PDHX: variants seen among roughly 807,000 people sequenced by gnomAD.
The protein encoded by PDHX is pyruvate dehydrogenase protein X component, mitochondrial.
A neutral mutation model predicts 55.3 loss-of-function variants in PDHX; 33 were observed. That is an observed-to-expected ratio of 0.60 (90% confidence interval 0.45 to 0.80). The LOEUF (loss-of-function observed/expected upper bound fraction) is 0.80, where lower values mean the gene tolerates loss of function less well. Among genes scored for constraint, PDHX ranks in the 30% least tolerant of loss-of-function variants. PDHX has a pLI of 0.00. For synonymous variants in PDHX, 226 were observed against 219.4 expected, an observed-to-expected ratio of 1.03 and a Z score of -0.27; for missense variants, 622 against 619.9, an observed-to-expected ratio of 1.00 and a Z score of -0.04.
At chr11:34,922,617 C>G (rs72930480) in intron 1 of PDHX, among the ~76,000 whole-genome samples, 27 of 151,956 alleles carry the variant, frequency 1.8e-4, no homozygotes, top group African/African-American at 6.5e-4. Flanking sequence ...AAAATGAAAT[C>G]AGACATAGTA....
At chr11:34,972,094 G>A (rs1855269234) in intron 7 of PDHX, among the ~76,000 whole-genome samples, 1 of 151,706 alleles carries the variant, frequency 6.6e-6, no homozygotes, top group Admixed American at 6.6e-5. Context: ...TTAGTAATTT[G>A]TGTGTTTTAC....
At chr11:34,934,939 A>G (rs1854273575) in intron 2 of PDHX, among the ~76,000 whole-genome samples, 1 of 152,078 alleles carries the variant, frequency 6.6e-6, no homozygotes, top group Non-Finnish European at 1.5e-5. Flanking sequence ...TATTAAAAAA[A>G]AAAAATCTCA....
At chr11:34,943,242 A>G (rs571303628) in intron 2 of PDHX, among the ~76,000 whole-genome samples, 34 of 152,352 alleles carry the variant, frequency 2.2e-4, no homozygotes, top group Non-Finnish European at 3.4e-4. Context: ...AACATTTTAT[A>G]TGCAATTTGT....
chr11:34,970,386 T>C, intron 7 of PDHX, 100 bp downstream of exon 7: 1 of 998,212 alleles, frequency 1.0e-6, no homozygotes, highest in Non-Finnish European at 1.5e-6. Context: ...TTGTGTAGCT[T>C]TTAATTTCAA....
intron 2 of PDHX, among the ~76,000 whole-genome samples, chr11:34,944,256 A>C (rs1854568979): frequency 6.6e-6 from 1 of 151,912 alleles, no homozygotes; most frequent in Non-Finnish European, 1.5e-5. Context: ...AGTAGCTGGG[A>C]CCACAGGTGC....
intron 5 of PDHX, among the ~76,000 whole-genome samples, chr11:34,965,921 A>G (rs1392033071): frequency 6.6e-6 from 1 of 152,200 alleles, no homozygotes; most frequent in Non-Finnish European, 1.5e-5. Flanking sequence ...TTTTAAGAAA[A>G]TATATTGCCT....
At chr11:34,949,537 A>G (rs1854705456) in intron 3 of PDHX, among the ~76,000 whole-genome samples, 1 of 151,850 alleles carries the variant, frequency 6.6e-6, no homozygotes, top group Non-Finnish European at 1.5e-5. Flanking sequence ...ATGCCCTGTC[A>G]AAACTAGTAA....
At chr11:34,958,300 G>C in intron 4 of PDHX, among the ~76,000 whole-genome samples, 1 of 151,892 alleles carries the variant, frequency 6.6e-6, no homozygotes, top group East Asian at 1.9e-4. Flanking sequence ...TTTTTTAGGG[G>C]GGGGCGTGCG....
At chr11:34,916,150 T>A (rs2016814), upstream of PDHX, 15 of 1,544,474 alleles carry the variant, frequency 9.7e-6, no homozygotes, top group Non-Finnish European at 1.2e-5. Flanking sequence ...CCCGCTACCC[T>A]GCGCCCAGCT....
intron 2 of PDHX, among the ~76,000 whole-genome samples, chr11:34,943,499 C>T (rs1276385001): frequency 3.3e-5 from 5 of 152,016 alleles, no homozygotes; most frequent in South Asian, 2.1e-4. Flanking sequence ...TAGTTTTTCC[C>T]GTGATTATAG....
chr11:34,960,352 C>A, intron 4 of PDHX, 68 bp from the exon 5 acceptor site: 1 of 1,026,474 alleles, frequency 9.7e-7, no homozygotes, highest in Non-Finnish European at 1.5e-6. Context: ...AAACTGTTGA[C>A]ATTTAGATCT....
chr11:34,963,025 G>A (rs2732556), intron 5 of PDHX, among the ~76,000 whole-genome samples: 122,146 of 152,016 alleles, frequency 0.8, 49,274 homozygotes, highest in African/African-American at 0.84. Context: ...AAAGGCATCA[G>A]CCTTTGGTCT....
In PDHX at chr11:34,916,686, C is replaced by G; in HGVS notation, c.31C>G (p.Pro11Ala). 2 of 1,611,830 alleles carry G rather than the reference C, an allele frequency of 1.2e-6. No individual in the cohort carries two copies. Among genetic ancestry groups the G allele is most frequent in the East Asian group, 4.5e-5 (2 of 44,870 alleles). MAASWRLGCD[P>A]RLLRYLVGFP... is the part of the protein sequence containing the mutation. ...GGCCTCCTGGAGGCTGGGCTGTGAT[C>G]CGCGGCTGCTGCGTTATCTTGTGGG... Residue 11 changes from proline to alanine, a missense_variant, in exon 1 of 11, where the codon CCG (proline) becomes GCG (alanine). By Grantham distance (27) the Pro-to-Ala change is conservative. Coordinates refer to ENST00000227868, the MANE Select transcript of PDHX (RefSeq NM_003477.3).
At chr11:34,943,695 A>T (rs542198476) in intron 2 of PDHX, among the ~76,000 whole-genome samples, 2 of 152,160 alleles carry the variant, frequency 1.3e-5, no homozygotes, top group African/African-American at 4.8e-5. Context: ...CTTCTCTCGC[A>T]TACTATTTGC....
chr11:34,921,063 T>G (rs770964501), intron 1 of PDHX, among the ~76,000 whole-genome samples: 75 of 152,204 alleles, frequency 4.9e-4, no homozygotes, highest in Non-Finnish European at 9.3e-4. Context: ...TATTAAGTGC[T>G]TATACACTGA....
intron 8 of PDHX, among the ~76,000 whole-genome samples, chr11:34,981,146 C>T (rs1274269545): frequency 6.6e-6 from 1 of 152,014 alleles, no homozygotes; most frequent in Admixed American, 6.5e-5. Flanking sequence ...CTGTCCTTCC[C>T]CCCTCCCCCA....
intron 2 of PDHX, among the ~76,000 whole-genome samples, chr11:34,934,571 A>ATTTTTT (rs35227178): frequency 3.2e-4 from 30 of 92,412 alleles, no homozygotes; most frequent in African/African-American, 5.3e-4. Flanking sequence ...GATATTATGG[A>ATTTTTT]TTTTTTTTTT....
At chr11:34,916,059 T>C (rs1853674951), upstream of PDHX, 3 of 873,932 alleles carry the variant, frequency 3.4e-6, no homozygotes, top group South Asian at 5.3e-5. Context: ...CTCGCAGCCT[T>C]GCTTCCGAAC....
intron 2 of PDHX, among the ~76,000 whole-genome samples, chr11:34,933,619 T>A (rs1176276170): frequency 1.3e-5 from 2 of 152,164 alleles, no homozygotes; most frequent in African/African-American, 4.8e-5. Flanking sequence ...CAAGGACCAA[T>A]CCAGTCGCAG....
Sources: allele counts gnomAD v4.1 joint callset (sites outside exome capture counted in the v4.1 genomes callset), GRCh38; gene constraint gnomAD v4.1.1; transcripts MANE v1.5; gene names NCBI Gene and HGNC (gene_info 2026-07-23, HGNC 2026-07-21).